Variants in EYA3 observed in about 807,000 individuals in gnomAD.
EYA3 encodes the protein EYA transcriptional coactivator and phosphatase 3.
In EYA3, 39 loss-of-function variants were observed where a neutral mutation model predicts 80.0. The ratio of observed to expected loss-of-function variants is 0.49; its 90% CI spans 0.38 to 0.64. The LOEUF is 0.64. Ranked by LOEUF, EYA3 falls within the 30% of genes least tolerant of loss-of-function variation. The pLI, the probability that EYA3 is intolerant of heterozygous loss-of-function variation, is 0.00. For synonymous variants in EYA3, 206 were observed against 232.8 expected (o/e 0.88, Z 1.05); for missense variants, 523 against 676.1 (o/e 0.77, Z 2.51).
chr1:28,073,120 T>TATATATATATATATATATATATATAG (rs1645079521), intron 1 of EYA3, among the ~76,000 whole-genome samples: 1 of 54,056 alleles, frequency 1.8e-5, no homozygotes, highest in Non-Finnish European at 3.5e-5. Context: ...TATATATATA[T>TATATATATATATATATATATATATAG]ATATATATTT....
intron 12 of EYA3, chr1:27,998,222 T>C (rs898009117): frequency 3.3e-6 from 2 of 613,312 alleles, no homozygotes; most frequent in Non-Finnish European, 4.1e-6. Flanking sequence ...AGTCCTAGAA[T>C]CTCCACTTTT....
At chr1:28,020,049 T>G (rs1642325968) in intron 7 of EYA3, among the ~76,000 whole-genome samples, 1 of 151,884 alleles carries the variant, frequency 6.6e-6, no homozygotes, top group Non-Finnish European at 1.5e-5. Flanking sequence ...CAGTCATATC[T>G]GATCTCTATG....
intron 2 of EYA3, among the ~76,000 whole-genome samples, chr1:28,051,222 AG>A (rs1329843395): frequency 7.9e-5 from 12 of 152,236 alleles, no homozygotes; most frequent in South Asian, 2.1e-4. Context: ...TTTTGTATAC[AG>A]AAATCCTAAC....
intron 10 of EYA3, 180 bp downstream of exon 10, chr1:28,010,767 C>T: frequency 3.2e-6 from 2 of 626,702 alleles, no homozygotes; most frequent in East Asian, 5.8e-5. Context: ...CTGGAATATA[C>T]AGAATAATTT....
At chr1:28,074,326 AG>A (rs1481046975) in intron 1 of EYA3, among the ~76,000 whole-genome samples, 1 of 152,186 alleles carries the variant, frequency 6.6e-6, no homozygotes. Context: ...TACCTAAAAT[AG>A]AAGTTAGTAC....
chr1:28,002,179 T>G (rs952664146), intron 11 of EYA3, among the ~76,000 whole-genome samples: 2 of 152,030 alleles, frequency 1.3e-5, no homozygotes, highest in African/African-American at 4.8e-5. Flanking sequence ...CCTCCCAAAG[T>G]GCTGGGATTA....
chr1:28,047,639 CTTTT>C (rs370957666), intron 3 of EYA3, among the ~76,000 whole-genome samples: 2 of 133,208 alleles, frequency 1.5e-5, no homozygotes, highest in African/African-American at 2.8e-5. Flanking sequence ...CCTCTTTTCT[CTTTT>C]TTTTTTTTTT....
chr1:28,017,175 T>A lies in EYA3; in HGVS notation c.564A>T (p.Ala188=), dbSNP rs1557573717. 1.9e-6 allele frequency: 3 copies of A among 1,612,696 alleles called. 1 individual carries two copies. The Admixed American group carries it at 5.0e-5, about 27-fold the overall frequency. Residue 188 remains alanine, a synonymous_variant, in exon 8 of 18, where the codon GCA becomes GCT. Transcript: ENST00000373871. ...SSTIANIPAA[A]VASISNQDYP... ...ATACCTGGTTTGAGATGCTGGCTACTGCTGCTGCTGGAATATTGGCAATTG... is the reference window on the plus strand; with the variant it reads ...ATACCTGGTTTGAGATGCTGGCTACAGCTGCTGCTGGAATATTGGCAATTG...
At chr1:27,975,420 A>G (rs889867811) in intron 17 of EYA3, among the ~76,000 whole-genome samples, 5 of 151,514 alleles carry the variant, frequency 3.3e-5, no homozygotes, top group Admixed American at 2.6e-4. Flanking sequence ...GGCTCAAGCA[A>G]TCCTCCCACC....
chr1:28,030,922 A>G (rs892798926), intron 6 of EYA3, among the ~76,000 whole-genome samples: 3 of 152,200 alleles, frequency 2.0e-5, no homozygotes, highest in Non-Finnish European at 2.9e-5. Flanking sequence ...TGTCACAATA[A>G]CTTTCAGATT....
At chr1:28,042,810 G>A (rs1643859051) in intron 3 of EYA3, among the ~76,000 whole-genome samples, 160 bp from the exon 4 acceptor site, 1 of 151,902 alleles carries the variant, frequency 6.6e-6, no homozygotes, top group Non-Finnish European at 1.5e-5. Context: ...CTTGAAGAGA[G>A]CTCGGGCCAG....
chr1:28,028,338 C>T (rs1004588308), intron 6 of EYA3, among the ~76,000 whole-genome samples: 1 of 152,134 alleles, frequency 6.6e-6, no homozygotes. Context: ...AATTCACTTA[C>T]CCATTAAACA....
intron 1 of EYA3, among the ~76,000 whole-genome samples, chr1:28,059,495 C>T (rs998109241): frequency 6.6e-6 from 1 of 152,260 alleles, no homozygotes; most frequent in Admixed American, 6.5e-5. Context: ...GTCAATGTGA[C>T]CTAAAACTGA....
Position 28,019,808 on chromosome 1 carries a change from C to T in EYA3, c.500-2569G>A, listed in dbSNP as rs141737475. On this transcript the variant is annotated intron_variant, in intron 7 of 17. Transcript: ENST00000373871. ...CCTCCGCCTCCCGGGTTCAAGAATC[C>T]TCCTGCCTCAGTTTCCCAGGTAGCT... Among the ~76,000 whole-genome samples, 699 of 152,174 alleles carry T rather than the reference C, an allele frequency of 4.6e-3. 5 individuals carry two copies. Among genetic ancestry groups the T allele is most frequent in the African/African-American group, 0.016 (669 of 41,526 alleles).
At chr1:28,075,449 C>G (rs1362202446) in intron 1 of EYA3, among the ~76,000 whole-genome samples, 1 of 152,130 alleles carries the variant, frequency 6.6e-6, no homozygotes, top group African/African-American at 2.4e-5. Context: ...AGGTCAAATA[C>G]AGATGGTCTT....
intron 5 of EYA3, among the ~76,000 whole-genome samples, chr1:28,038,452 A>AAAC (rs1426463488): frequency 1.3e-5 from 2 of 150,864 alleles, no homozygotes; most frequent in Non-Finnish European, 3.0e-5. Context: ...AAAAAAAAAA[A>AAAC]AAAAAAAAAA....
At position 27,974,564 on chromosome 1, in the gene EYA3, T is replaced by C. The variant is rs1409017373; in HGVS notation, c.1642-18A>G. ...ATGTTGTGCTGGAAGAGAGTGGGAA[T>C]AGCTGGTTAATCCAACTTCTTCTGA... On this transcript the variant is annotated intron_variant, in intron 17 of 17. Coordinates refer to ENST00000373871, the MANE Select transcript of EYA3 (RefSeq NM_001990.4). 34 of 1,606,760 alleles carry C rather than the reference T, an allele frequency of 2.1e-5. No homozygotes were observed. Among genetic ancestry groups the C allele is most frequent in the Non-Finnish European group, 2.8e-5 (33 of 1,174,498 alleles).
intron 1 of EYA3, among the ~76,000 whole-genome samples, chr1:28,065,310 G>A (rs770882335): frequency 1.3e-5 from 2 of 152,002 alleles, no homozygotes; most frequent in African/African-American, 2.4e-5. Context: ...GTCTCTCCCT[G>A]TCACCAGGCT....
intron 7 of EYA3, among the ~76,000 whole-genome samples, chr1:28,023,636 C>A (rs1642591345): frequency 6.6e-6 from 1 of 152,056 alleles, no homozygotes; most frequent in Non-Finnish European, 1.5e-5. Flanking sequence ...CTGTCAAGGT[C>A]ATTAAAAGCA....
Sources: allele counts gnomAD v4.1 joint callset (sites outside exome capture counted in the v4.1 genomes callset), GRCh38; gene constraint gnomAD v4.1.1; transcripts MANE v1.5; gene names NCBI Gene and HGNC (gene_info 2026-07-23, HGNC 2026-07-21).